ABLIM2: variants seen among roughly 807,000 people sequenced by gnomAD.
ABLIM2 encodes the protein actin-binding LIM protein 2.
In ABLIM2, 53 loss-of-function variants were observed where a neutral mutation model predicts 97.7. The ratio of observed to expected loss-of-function variants is 0.54; its 90% CI spans 0.44 to 0.68. ABLIM2 has a LOEUF of 0.68. Ranked by LOEUF, ABLIM2 falls within the 30% of genes least tolerant of loss-of-function variation. The pLI is 0.00. For synonymous variants in ABLIM2, 361 were observed against 345.8 expected, an observed-to-expected ratio of 1.04 and a Z score of -0.49; for missense variants, 835 against 867.2, an observed-to-expected ratio of 0.96 and a Z score of 0.47.
intron 14 of ABLIM2, among the ~76,000 whole-genome samples, chr4:8,018,600 T>C (rs1230872496): frequency 6.6e-6 from 1 of 152,202 alleles, no homozygotes; most frequent in Non-Finnish European, 1.5e-5. Flanking sequence ...ACAGGACCTA[T>C]TGCCATGATG....
At position 8,150,981 on chromosome 4, in the gene ABLIM2, C is replaced by T. The variant is rs1407864508; in HGVS notation, c.10+7699G>A. 6.6e-6 allele frequency among the ~76,000 whole-genome samples: 1 copy of T among 152,174 alleles called. No homozygotes were observed. The highest frequency in any genetic ancestry group is 2.4e-5 in the African/African-American group (1 of 41,438). ...TGTGACAAAGGCCATTCTGCCCGTT[C>T]CCTGGTGCCTGCCGTGCCCAGGCCC... On this transcript the variant is annotated intron_variant, in intron 1 of 20. Coordinates refer to ENST00000447017, the MANE Select transcript of ABLIM2 (RefSeq NM_001130083.2). The surrounding 1 kb of genome is among the most constrained non-coding windows in gnomAD (Gnocchi z 6.3).
rs1051140836 is a variant in ABLIM2, at chr4:8,071,985, C to T, written c.675+5643G>A. The T allele has an allele frequency of 2.9e-4, 285 of 985,440 alleles. 1 individual carries two copies. Among genetic ancestry groups the T allele is most frequent in the Non-Finnish European group, 3.2e-4 (266 of 830,038 alleles). 61.0% of individuals were successfully genotyped at this position (985,440 alleles called of 1,614,324 possible). ...CACCGCGGCGGCGGCAGCTCCCCTT[C>T]TGCGGAGCCAGGCTTGTCCCCGCCC... On this transcript the variant is annotated intron_variant, in intron 6 of 20. Coordinates refer to ENST00000447017, the MANE Select transcript of ABLIM2 (RefSeq NM_001130083.2). This position sits in a 1 kb window ranked among gnomAD's most constrained non-coding sequence, Gnocchi z 6.2.
rs777382045 is a variant in ABLIM2, at chr4:8,097,147, G to A, written c.290C>T (p.Ala97Val). Residue 97 changes from alanine (A) to valine (V), a missense_variant, in exon 3 of 21, where the codon GCG (alanine) becomes GTG (valine). Transcript: ENST00000447017. ...DQFIEGEVVSALGKTYHPDCF... is the reference protein window; with the variant it reads ...DQFIEGEVVSVLGKTYHPDCF... ...GTCGGGGTGGTAGGTCTTGCCCAGC[G>A]CCGACACCACCTCACCCTCAATGAA... The A allele has an allele frequency of 1.5e-5, 24 of 1,611,096 alleles. No individual in the cohort carries two copies. Among genetic ancestry groups the A allele is most frequent in the Admixed American group, 1.0e-4 (6 of 59,718 alleles).
rs193014317 is a variant in ABLIM2 at position 8,120,841 on chromosome 4, A to G, written c.11-14204T>C. ...ATGCTCAGAACACCTACGCCAGCCT[A>G]CAGCTGGGCACACACATCTAACGCA... On this transcript the variant is annotated intron_variant, in intron 1 of 20. Coordinates refer to ENST00000447017, the MANE Select transcript of ABLIM2 (RefSeq NM_001130083.2). This position sits in a 1 kb window ranked among gnomAD's most constrained non-coding sequence, Gnocchi z 5.6. Among the ~76,000 whole-genome samples the G allele has an allele frequency of 7.2e-5, 11 of 152,350 alleles. No homozygotes were observed. Among genetic ancestry groups the G allele is most frequent in the Non-Finnish European group, 1.6e-4 (11 of 68,030 alleles).
At position 8,008,724 on chromosome 4, in the gene ABLIM2, A is replaced by G. The variant is rs536249529; in HGVS notation, c.1476+326T>C. 3.9e-5 allele frequency among the ~76,000 whole-genome samples: 6 copies of G among 152,362 alleles called. No individual in the cohort carries two copies. The South Asian group carries it at 8.3e-4, about 21-fold the overall frequency. On this transcript the variant is annotated intron_variant, in intron 15 of 20. Coordinates refer to ENST00000447017, the MANE Select transcript of ABLIM2 (RefSeq NM_001130083.2). ...AAAAGTACTTACTCTCTGGCCCTTT[A>G]TGAAGAACGTCTGATGAACCTGTCC... is the stretch of plus-strand genomic sequence containing the variant.
In ABLIM2 at chr4:8,058,638, C is replaced by T. The variant is rs1474014791; in HGVS notation, c.763+2329G>A. ...CTGGGGGCTGCACTCCAGCACATGGCCCCTGTCCCACCAGTGCTCGCTGGG... is the reference window on the plus strand; with the variant it reads ...CTGGGGGCTGCACTCCAGCACATGGTCCCTGTCCCACCAGTGCTCGCTGGG... On this transcript the variant is annotated intron_variant, in intron 7 of 20. Transcript: ENST00000447017. The surrounding 1 kb of genome is among the most constrained non-coding windows in gnomAD (Gnocchi z 4.2). 1.3e-5 allele frequency among the ~76,000 whole-genome samples: 2 copies of T among 152,176 alleles called. No individual in the cohort carries two copies. The highest frequency in any genetic ancestry group is 2.1e-4 in the South Asian group (1 of 4,828).
intron 4 of ABLIM2, 131 bp from the exon 5 acceptor site, chr4:8,080,933 G>A (rs879140131): frequency 4.3e-6 from 5 of 1,168,434 alleles, no homozygotes; most frequent in African/African-American, 1.5e-5. Context: ...CAGCCACAGC[G>A]AGTGTGCTTG....
rs1810571348 is a variant in ABLIM2 at position 8,069,807 on chromosome 4, T to G, written c.675+7821A>C. ...GTGTCTCTCCGTGTGCTTGTGTGTC[T>G]CTATGTGTTGTCTGTGTGTACGTGT... On this transcript the variant is annotated intron_variant, in intron 6 of 20. Coordinates refer to ENST00000447017, the MANE Select transcript of ABLIM2 (RefSeq NM_001130083.2). This position sits in a 1 kb window ranked among gnomAD's most constrained non-coding sequence, Gnocchi z 4.2. Among the ~76,000 whole-genome samples the G allele has an allele frequency of 6.6e-6, 1 of 152,034 alleles. No homozygotes were observed. The highest frequency in any genetic ancestry group is 1.5e-5 in the Non-Finnish European group (1 of 67,992).
At chr4:8,060,943 C>G in intron 7 of ABLIM2, 24 bp downstream of exon 7, 1 of 1,553,552 alleles carries the variant, frequency 6.4e-7, no homozygotes, top group Non-Finnish European at 8.7e-7. Context: ...TCTAGGGGAC[C>G]AAACAACACA....
chr4:8,115,026 G>A (rs1330803293), intron 1 of ABLIM2, among the ~76,000 whole-genome samples: 2 of 152,196 alleles, frequency 1.3e-5, no homozygotes, highest in Admixed American at 6.5e-5. Flanking sequence ...TCTCCCATCT[G>A]AGTCCTTGAC....
chr4:8,017,477 G>A (rs1208737818), intron 14 of ABLIM2, among the ~76,000 whole-genome samples: 1 of 151,706 alleles, frequency 6.6e-6, no homozygotes, highest in East Asian at 1.9e-4. Context: ...TAGTAGAGAT[G>A]GGGTTTCACT....
At chr4:8,151,506 G>C (rs1712753348) in intron 1 of ABLIM2, among the ~76,000 whole-genome samples, 1 of 152,204 alleles carries the variant, frequency 6.6e-6, no homozygotes, top group Admixed American at 6.5e-5. Context: ...CCACGCCAGA[G>C]ACCCTCAGCG....
chr4:7,968,620 CG>C (rs1724965009), intron 20 of ABLIM2, among the ~76,000 whole-genome samples: 1 of 152,148 alleles, frequency 6.6e-6, no homozygotes, highest in Non-Finnish European at 1.5e-5. Context: ...CTGAAGTGTC[CG>C]GAACAGGCAA....
At chr4:7,975,503 G>A (rs1355637203) in intron 20 of ABLIM2, among the ~76,000 whole-genome samples, 1 of 152,132 alleles carries the variant, frequency 6.6e-6, no homozygotes, top group Non-Finnish European at 1.5e-5. Context: ...TGCGTGGCTG[G>A]ACATCCTGCA....
rs1320057 is a variant in ABLIM2 at position 8,071,234 on chromosome 4, C to A, written c.675+6394G>T. 0.54 allele frequency among the ~76,000 whole-genome samples: 82,024 copies of A among 151,856 alleles called. 22,807 individuals carry two copies. Among genetic ancestry groups the A allele is most frequent in the East Asian group, 0.71 (3,655 of 5,124 alleles). The stretch of plus-strand genomic sequence containing the variant: ...CCAGGCGCCACCCACCTCTGCTGCC[C>A]CAGCCCAGTGCCTCCCCCATCCCTA... On this transcript the variant is annotated intron_variant, in intron 6 of 20. Coordinates refer to ENST00000447017, the MANE Select transcript of ABLIM2 (RefSeq NM_001130083.2). This position sits in a 1 kb window ranked among gnomAD's most constrained non-coding sequence, Gnocchi z 6.2.
chr4:8,134,527 T>C (rs1318723156), intron 1 of ABLIM2, among the ~76,000 whole-genome samples: 1 of 152,160 alleles, frequency 6.6e-6, no homozygotes, highest in Non-Finnish European at 1.5e-5. Context: ...GCCTGCAAAA[T>C]GCAGACCACA....
intron 16 of ABLIM2, among the ~76,000 whole-genome samples, chr4:7,997,112 C>A (rs71603904): frequency 0.076 from 11,520 of 152,126 alleles, 462 homozygotes; most frequent in African/African-American, 0.083. Flanking sequence ...TGCTCTGTTG[C>A]CCAGGCTGGA....
rs920492259 is a variant in ABLIM2, at chr4:7,970,123, C to T, written c.1825-3020G>A. On this transcript the variant is annotated intron_variant, in intron 20 of 20. Transcript: ENST00000447017. The surrounding 1 kb of genome is among the most constrained non-coding windows in gnomAD (Gnocchi z 5.3). ...TAGCTTTATCCAAGACCTGGTGATA[C>T]CAGACCTTGTTCCAGACATGGAAAG... is the stretch of plus-strand genomic sequence containing the variant. Among the ~76,000 whole-genome samples, 8 of 152,196 alleles carry T rather than the reference C, an allele frequency of 5.3e-5. No individual in the cohort carries two copies. Among genetic ancestry groups the T allele is most frequent in the African/African-American group, 1.9e-4 (8 of 41,460 alleles).
At chr4:8,008,752 G>A (rs1762974098) in intron 15 of ABLIM2, among the ~76,000 whole-genome samples, 2 of 152,228 alleles carry the variant, frequency 1.3e-5, no homozygotes, top group African/African-American at 4.8e-5. Context: ...ACCTGTCCTA[G>A]AATAATGGAT....
Sources: allele counts gnomAD v4.1 joint callset (sites outside exome capture counted in the v4.1 genomes callset), GRCh38; gene constraint gnomAD v4.1.1; non-coding constraint Gnocchi (gnomAD v3.1); transcripts MANE v1.5; gene names NCBI Gene and HGNC (gene_info 2026-07-23, HGNC 2026-07-21).